The following CCDC149 variants were observed in gnomAD, a reference collection of about 807,000 sequenced individuals.
The protein encoded by CCDC149 is coiled-coil domain-containing protein 149.
A neutral mutation model predicts 59.9 loss-of-function variants in CCDC149; 45 were observed. That is an observed-to-expected ratio of 0.75 (90% CI 0.59 to 0.96). The LOEUF is 0.96. Among genes scored for constraint, CCDC149 ranks in the 40% least tolerant of loss-of-function variants. The pLI is 0.00. For synonymous variants in CCDC149, 245 were observed against 260.6 expected, an observed-to-expected ratio of 0.94 and a Z score of 0.58; for missense variants, 584 against 664.7, an observed-to-expected ratio of 0.88 and a Z score of 1.33.
intron 1 of CCDC149, among the ~76,000 whole-genome samples, chr4:24,899,418 G>C (rs1721033094): frequency 1.3e-5 from 2 of 152,164 alleles, no homozygotes; most frequent in African/African-American, 4.8e-5. Flanking sequence ...ATGGCCAGTA[G>C]CCACATGGAG....
intron 1 of CCDC149, among the ~76,000 whole-genome samples, chr4:24,977,660 C>G (rs1724265306): frequency 6.6e-6 from 1 of 152,180 alleles, no homozygotes; most frequent in Admixed American, 6.5e-5. Context: ...CTAGTCCCAG[C>G]CCTGCTACCC....
downstream of CCDC149, among the ~76,000 whole-genome samples, chr4:24,804,363 T>C (rs1272130032): frequency 1.3e-5 from 2 of 151,738 alleles, no homozygotes; most frequent in African/African-American, 4.8e-5. Context: ...TGGTGGTGCA[T>C]GCCTGTAGTC....
chr4:24,931,488 AG>A (rs1722585924), intron 1 of CCDC149, among the ~76,000 whole-genome samples: 1 of 151,624 alleles, frequency 6.6e-6, no homozygotes, highest in South Asian at 2.1e-4. Flanking sequence ...ACCACCACTC[AG>A]GTACCCAGGC....
chr4:24,927,403 T>G lies in CCDC149; in HGVS notation c.-64-32285A>C, dbSNP rs1357208542. Among the ~76,000 whole-genome samples the G allele has an allele frequency of 2.0e-5, 3 of 152,254 alleles. No individual in the cohort carries two copies. In the East Asian group the frequency reaches 5.8e-4, roughly 29 times the overall value. On this transcript the variant is annotated intron_variant, in intron 1 of 12. Transcript: ENST00000389609. ...AATTGAACATTCTCTGTATTACAAA[T>G]GCAGCATAAATATATGTTTTCCATA...
At chr4:24,874,000 C>G (rs112445621) in intron 2 of CCDC149, among the ~76,000 whole-genome samples, 2 of 152,128 alleles carry the variant, frequency 1.3e-5, no homozygotes, top group East Asian at 3.8e-4. Context: ...TGTCAAAATT[C>G]TTTTTGATCA....
chr4:24,836,890 C>T (rs1002090022), intron 6 of CCDC149, among the ~76,000 whole-genome samples: 6 of 152,112 alleles, frequency 3.9e-5, no homozygotes, highest in Non-Finnish European at 8.8e-5. Flanking sequence ...GGAAAAGAAA[C>T]GGCTAAGGGA....
At chr4:24,971,360 A>G (rs1000370048) in intron 1 of CCDC149, among the ~76,000 whole-genome samples, 17 of 152,158 alleles carry the variant, frequency 1.1e-4, no homozygotes, top group African/African-American at 3.1e-4. Context: ...GAGGTGGAGT[A>G]TGAGGGAGAT....
At chr4:24,944,184 A>C (rs1019142884) in intron 1 of CCDC149, among the ~76,000 whole-genome samples, 1 of 152,268 alleles carries the variant, frequency 6.6e-6, no homozygotes, top group Non-Finnish European at 1.5e-5. Flanking sequence ...GATTAAGAAA[A>C]TGTGGCACAT....
intron 1 of CCDC149, among the ~76,000 whole-genome samples, chr4:24,927,572 G>A (rs1417806153): frequency 6.6e-6 from 1 of 152,206 alleles, no homozygotes; most frequent in Non-Finnish European, 1.5e-5. Flanking sequence ...GATTAAAGCA[G>A]GTGCTGAAAC....
At chr4:24,923,472 A>T (rs754596862) in intron 1 of CCDC149, among the ~76,000 whole-genome samples, 1 of 152,216 alleles carries the variant, frequency 6.6e-6, no homozygotes, top group Non-Finnish European at 1.5e-5. Context: ...AAGATGATAA[A>T]TGCTGTGAAA....
chr4:24,916,537 T>A (rs1287907841), upstream of CCDC149, among the ~76,000 whole-genome samples: 1 of 152,082 alleles, frequency 6.6e-6, no homozygotes, highest in Admixed American at 6.6e-5. Flanking sequence ...GCCCTAAAGC[T>A]TTTGATGTGA....
chr4:24,970,912 T>C (rs775490785), intron 1 of CCDC149, among the ~76,000 whole-genome samples: 3 of 152,142 alleles, frequency 2.0e-5, no homozygotes, highest in Non-Finnish European at 4.4e-5. Context: ...AAGTTACTGC[T>C]CTTGCAGAGC....
upstream of CCDC149, among the ~76,000 whole-genome samples, chr4:24,916,896 T>G (rs1303614156): frequency 2.0e-5 from 3 of 151,776 alleles, no homozygotes; most frequent in African/African-American, 7.3e-5. Flanking sequence ...GGAGCCCCTA[T>G]AGCCTGGCTG....
Position 24,928,464 on chromosome 4 carries a change from G to A in CCDC149, c.-64-33346C>T, listed in dbSNP as rs75801966. On this transcript the variant is annotated intron_variant, in intron 1 of 12. Coordinates refer to the CCDC149 transcript ENST00000389609. Reference sequence around the variant, plus strand: ...AGAATGGATGGTATGCATAAAAGTCGAAGGCTTAACATGGACCACCAGTAT... The same window carrying A: ...AGAATGGATGGTATGCATAAAAGTCAAAGGCTTAACATGGACCACCAGTAT... 2.6e-3 allele frequency among the ~76,000 whole-genome samples: 402 copies of A among 152,282 alleles called. 5 individuals carry two copies. Among genetic ancestry groups the A allele is most frequent in the African/African-American group, 9.2e-3 (381 of 41,548 alleles).
At chr4:24,942,575 G>A (rs532432348) in intron 1 of CCDC149, among the ~76,000 whole-genome samples, 1 of 152,222 alleles carries the variant, frequency 6.6e-6, no homozygotes, top group South Asian at 2.1e-4. Flanking sequence ...GGAAATAAAG[G>A]GCATTCAATT....
intron 12 of CCDC149, among the ~76,000 whole-genome samples, chr4:24,818,714 C>T (rs1043922035): frequency 3.3e-5 from 5 of 152,174 alleles, no homozygotes; most frequent in Admixed American, 6.5e-5. Flanking sequence ...GCTGCTTGAG[C>T]GTCCTCATGA....
chr4:24,811,382 C>G (rs1230128216), intron 12 of CCDC149, among the ~76,000 whole-genome samples: 2 of 151,900 alleles, frequency 1.3e-5, no homozygotes, highest in Non-Finnish European at 2.9e-5. Flanking sequence ...GGTCTACATC[C>G]CCCTCCCCAC....
chr4:24,970,542 G>C (rs1723934414), intron 1 of CCDC149, among the ~76,000 whole-genome samples: 1 of 152,196 alleles, frequency 6.6e-6, no homozygotes, highest in Non-Finnish European at 1.5e-5. Flanking sequence ...TAACACCACT[G>C]AGGAGTGGGT....
chr4:24,830,629 G>A (rs1346062571), intron 9 of CCDC149: 2 of 152,220 alleles, frequency 1.3e-5, no homozygotes, highest in East Asian at 1.9e-4. Flanking sequence ...GTCACTTGAA[G>A]CCTAGCTTTC....
Sources: allele counts gnomAD v4.1 joint callset (sites outside exome capture counted in the v4.1 genomes callset), GRCh38; gene constraint gnomAD v4.1.1; transcripts MANE v1.5; gene names NCBI Gene and HGNC (gene_info 2026-07-23, HGNC 2026-07-21).